POGLUT1: variants seen among roughly 807,000 people sequenced by gnomAD.
POGLUT1 encodes protein O-glucosyltransferase 1.
POGLUT1 carries 32 observed loss-of-function variants against 61.3 expected under a neutral mutation model. That is an observed-to-expected ratio of 0.52 (90% confidence interval 0.39 to 0.70). The LOEUF (loss-of-function observed/expected upper bound fraction) is 0.70, where lower values mean the gene tolerates loss of function less well. POGLUT1 is among the 30% of genes least tolerant of loss of function. The pLI, the probability that POGLUT1 is intolerant of heterozygous loss-of-function variation, is 0.00. For missense variants in POGLUT1, 411 were observed against 469.8 expected, an observed-to-expected ratio of 0.87 and a Z score of 1.16; for synonymous variants, 158 against 158.2, an observed-to-expected ratio of 1.00 and a Z score of 0.01.
chr3:119,472,912 T>C (rs1360095364), intron 3 of POGLUT1, among the ~76,000 whole-genome samples: 1 of 152,106 alleles, frequency 6.6e-6, no homozygotes, highest in Non-Finnish European at 1.5e-5. Flanking sequence ...GTGTTTGTAG[T>C]CCTAGCTACT....
chr3:119,492,469 G>T lies in POGLUT1; in HGVS notation c.*31G>T. 6.9e-7 allele frequency: 1 copy of T among 1,450,082 alleles called. No homozygotes were observed. Among genetic ancestry groups the T allele is most frequent in the South Asian group, 1.3e-5 (1 of 74,698 alleles). The allele number at this position is 1,450,082 out of a possible 1,614,324, so 89.8% of individuals were successfully genotyped here. ...ATCATAGGACCATAGTCCTCTTTGT[G>T]GCAACAGATCTCAGATATCCTACGG... On this transcript the variant is annotated 3_prime_UTR_variant, in exon 11 of 11. Transcript: ENST00000295588.
chr3:119,476,182 AAG>A (rs1262980120), intron 3 of POGLUT1, among the ~76,000 whole-genome samples: 1 of 152,206 alleles, frequency 6.6e-6, no homozygotes, highest in Non-Finnish European at 1.5e-5. Context: ...ACCTTAAAAA[AAG>A]AGAAATCTTG....
rs1312821000 is a variant in POGLUT1, at chr3:119,473,141, T to C, written c.320+1689T>C. Among the ~76,000 whole-genome samples, 5 of 152,150 alleles carry C rather than the reference T, an allele frequency of 3.3e-5. No individual in the cohort carries two copies. In the South Asian group the frequency reaches 6.2e-4, roughly 19 times the overall value. ...CTATCAGATATCGGAGGAAATAAGG[T>C]TGTAGAGGAAAAAATCGTTAAGGTA... On this transcript the variant is annotated intron_variant, in intron 3 of 10. Coordinates refer to ENST00000295588, the MANE Select transcript of POGLUT1 (RefSeq NM_152305.3).
At chr3:119,486,626 C>A (rs1482536921) in intron 6 of POGLUT1, among the ~76,000 whole-genome samples, 2 of 152,124 alleles carry the variant, frequency 1.3e-5, no homozygotes, top group Non-Finnish European at 2.9e-5. Flanking sequence ...AAGTACCCCC[C>A]AACCCTAAAG....
At chr3:119,479,138 C>T (rs2081577417) in intron 4 of POGLUT1, among the ~76,000 whole-genome samples, 2 of 151,954 alleles carry the variant, frequency 1.3e-5, no homozygotes, top group African/African-American at 4.8e-5. Flanking sequence ...CCATGTTGAC[C>T]AGGCTGATTT....
At chr3:119,471,540 ACAAGCAGATCC>A in intron 3 of POGLUT1, 88 bp downstream of exon 3, 1 of 1,137,298 alleles carries the variant, frequency 8.8e-7, no homozygotes, top group Non-Finnish European at 1.3e-6. Flanking sequence ...CATGGGACTA[ACAAGCAGATCC>A]CTCCTCACAT....
At chr3:119,488,741 G>A in intron 7 of POGLUT1, 188 bp from the exon 8 acceptor site, 1 of 398,828 alleles carries the variant, frequency 2.5e-6, no homozygotes, top group South Asian at 5.5e-5. Context: ...CACTGACCTT[G>A]AGCAAATCTC....
At chr3:119,491,616 C>T in intron 10 of POGLUT1, 42 bp downstream of exon 10, 2 of 1,108,650 alleles carry the variant, frequency 1.8e-6, no homozygotes, top group Non-Finnish European at 2.7e-6. Context: ...TACTTTTTGT[C>T]ATCCCCATTA....
At chr3:119,471,146 AT>A (rs1477876392) in intron 2 of POGLUT1, among the ~76,000 whole-genome samples, 162 bp from the exon 3 acceptor site, 8 of 152,214 alleles carry the variant, frequency 5.3e-5, no homozygotes, top group Admixed American at 4.6e-4. Flanking sequence ...GATGTTTCAG[AT>A]TACCTACAGG....
At chr3:119,471,509 C>T (rs984604599) in intron 3 of POGLUT1, 57 bp downstream of exon 3, 1 of 1,515,168 alleles carries the variant, frequency 6.6e-7, no homozygotes, top group Non-Finnish European at 9.2e-7. Context: ...GGCTTGATAC[C>T]CTTTTATAGA....
intron 7 of POGLUT1, chr3:119,488,151 G>A (rs1025762583): frequency 6.6e-6 from 1 of 152,190 alleles, no homozygotes; most frequent in African/African-American, 2.4e-5. Context: ...GAGCAAGTGA[G>A]CTTAAGAAAC....
rs541322938 is a variant in POGLUT1 at position 119,469,201 on chromosome 3, C to A, written c.85+95C>A. The stretch of plus-strand genomic sequence containing the variant: ...CGCGCGGCCGGCTCCCGGGAAGATG[C>A]CGTGGCCGCTGTAGCTCGGAGCTGG... On this transcript the variant is annotated intron_variant, in intron 1 of 10. Transcript: ENST00000295588. The A allele has an allele frequency of 1.3e-4, 128 of 979,578 alleles. No homozygotes were observed. In the African/African-American group the frequency reaches 1.9e-3, roughly 15 times the overall value. 60.7% of individuals were successfully genotyped at this position (979,578 alleles called of 1,614,324 possible).
intron 6 of POGLUT1, among the ~76,000 whole-genome samples, chr3:119,486,528 T>G (rs1366577568): frequency 6.6e-6 from 1 of 152,136 alleles, no homozygotes; most frequent in African/African-American, 2.4e-5. Context: ...CACATGAACT[T>G]TCCTAAAAGG....
chr3:119,487,075 A>C, intron 7 of POGLUT1, 143 bp downstream of exon 7: 2 of 645,662 alleles, frequency 3.1e-6, no homozygotes, highest in Non-Finnish European at 2.8e-6. Flanking sequence ...GCATTAGCAT[A>C]TATGTAAATT....
intron 6 of POGLUT1, among the ~76,000 whole-genome samples, chr3:119,486,309 A>G (rs2081663048): frequency 6.6e-6 from 1 of 152,216 alleles, no homozygotes. Context: ...GATGCCTCAC[A>G]TGTCAAGACC....
At chr3:119,490,152 A>C in intron 8 of POGLUT1, 1 of 176,042 alleles carries the variant, frequency 5.7e-6, no homozygotes, top group Non-Finnish European at 1.2e-5. Context: ...AGGCCTAGAA[A>C]AGCTTGTGAA....
chr3:119,474,741 A>G (rs1413960379), intron 3 of POGLUT1, among the ~76,000 whole-genome samples: 1 of 152,172 alleles, frequency 6.6e-6, no homozygotes, highest in Non-Finnish European at 1.5e-5. Flanking sequence ...TGGGAGGCTG[A>G]GGCAGGAAAA....
chr3:119,492,112 A>G (rs1157822186), intron 10 of POGLUT1, among the ~76,000 whole-genome samples, 170 bp from the exon 11 acceptor site: 4 of 152,186 alleles, frequency 2.6e-5, no homozygotes, highest in Non-Finnish European at 4.4e-5. Context: ...TTGTATTGCT[A>G]CATGCATGTA....
chr3:119,485,174 G>A (rs539837850), intron 5 of POGLUT1, among the ~76,000 whole-genome samples, 154 bp from the exon 6 acceptor site: 1 of 151,202 alleles, frequency 6.6e-6, no homozygotes, highest in Admixed American at 6.6e-5. Flanking sequence ...CCAAGATCGC[G>A]CCACTGCACT....
Sources: gnomAD v4.1 joint callset for allele counts (sites outside exome capture counted in the v4.1 genomes callset) on GRCh38, gnomAD v4.1.1 for gene constraint, MANE v1.5 for transcripts, NCBI Gene and HGNC (gene_info 2026-07-23, HGNC 2026-07-21) for gene names.